Variants in CLDN10 observed in about 807,000 individuals in gnomAD.
The protein encoded by CLDN10 is claudin 10.
In CLDN10, 15 loss-of-function variants were observed where a neutral mutation model predicts 22.9. The ratio of observed to expected loss-of-function variants is 0.65; its 90% CI spans 0.44 to 1.01. The LOEUF (loss-of-function observed/expected upper bound fraction) is 1.01. Ranked by LOEUF, CLDN10 falls within the 50% of genes least tolerant of loss-of-function variation. The pLI, the probability that CLDN10 is intolerant of heterozygous loss-of-function variation, is 0.00. For missense variants in CLDN10, 247 were observed against 287.8 expected, an observed-to-expected ratio of 0.86 and a Z score of 1.03; for synonymous variants, 114 against 111.4, an observed-to-expected ratio of 1.02 and a Z score of -0.15.
At chr13:95,463,197 C>T (rs2042550652) in intron 1 of CLDN10, among the ~76,000 whole-genome samples, 1 of 148,192 alleles carries the variant, frequency 6.7e-6, no homozygotes, top group African/African-American at 2.5e-5. Context: ...ATCTACCTAT[C>T]TATCATCTAT....
At chr13:95,487,734 GCGTGA>G (rs1447656041) in intron 1 of CLDN10, among the ~76,000 whole-genome samples, 1 of 152,116 alleles carries the variant, frequency 6.6e-6, no homozygotes, top group Non-Finnish European at 1.5e-5. Flanking sequence ...GAGTGCAGTG[GCGTGA>G]TCATGGTTCA....
intron 1 of CLDN10, among the ~76,000 whole-genome samples, chr13:95,540,725 G>GC (rs2043451719): frequency 6.6e-6 from 1 of 152,178 alleles, no homozygotes; most frequent in Non-Finnish European, 1.5e-5. Context: ...ATATGATCAA[G>GC]CCTGTTAGTC....
intron 1 of CLDN10, among the ~76,000 whole-genome samples, chr13:95,516,743 T>C (rs971303): frequency 0.44 from 67,398 of 151,992 alleles, 16,040 homozygotes; most frequent in East Asian, 0.58. Context: ...TGGATCTCTG[T>C]GTGTGCACAG....
chr13:95,471,453 A>ATT (rs1555289822), intron 1 of CLDN10, among the ~76,000 whole-genome samples: 107 of 106,354 alleles, frequency 1.0e-3, no homozygotes, highest in South Asian at 5.2e-3. Flanking sequence ...ATATATATAT[A>ATT]TTTTTTTTTT....
intron 1 of CLDN10, among the ~76,000 whole-genome samples, chr13:95,464,801 G>T (rs2139093959): frequency 6.6e-6 from 1 of 151,950 alleles, no homozygotes; most frequent in Middle Eastern, 3.4e-3. Flanking sequence ...GCGTGATCTT[G>T]GCTCAGTGCA....
intron 1 of CLDN10, among the ~76,000 whole-genome samples, chr13:95,541,016 C>T (rs892255417): frequency 2.6e-5 from 4 of 152,236 alleles, no homozygotes; most frequent in African/African-American, 4.8e-5. Context: ...GGAATGGCCA[C>T]GTGGCCCAGT....
intron 1 of CLDN10, among the ~76,000 whole-genome samples, chr13:95,514,869 AGCCATT>A (rs774052104): frequency 2.6e-5 from 4 of 152,174 alleles, no homozygotes; most frequent in African/African-American, 4.8e-5. Flanking sequence ...CAAGCATGGA[AGCCATT>A]GCAGTATCTC....
chr13:95,469,844 A>G (rs2042613997), intron 1 of CLDN10, among the ~76,000 whole-genome samples: 1 of 152,106 alleles, frequency 6.6e-6, no homozygotes, highest in Non-Finnish European at 1.5e-5. Flanking sequence ...GACAGGCTTT[A>G]TTGTCTTTTT....
intron 1 of CLDN10, among the ~76,000 whole-genome samples, chr13:95,484,746 G>T (rs2042785115): frequency 1.3e-5 from 2 of 150,742 alleles, no homozygotes; most frequent in African/African-American, 4.9e-5. Flanking sequence ...AGCACCTGTA[G>T]TTCCAGCTAC....
At chr13:95,489,759 GT>G (rs1474061620) in intron 1 of CLDN10, among the ~76,000 whole-genome samples, 9 of 152,044 alleles carry the variant, frequency 5.9e-5, no homozygotes, top group Admixed American at 4.6e-4. Flanking sequence ...TATTGCATTT[GT>G]TTTTGGGTTC....
chr13:95,571,150 C>T (rs2043853529), intron 3 of CLDN10, among the ~76,000 whole-genome samples: 1 of 151,930 alleles, frequency 6.6e-6, no homozygotes, highest in Non-Finnish European at 1.5e-5. Flanking sequence ...AAAGCATCCA[C>T]CACAGTGACA....
intron 3 of CLDN10, among the ~76,000 whole-genome samples, chr13:95,568,081 T>C (rs1025952504): frequency 6.6e-6 from 1 of 152,232 alleles, no homozygotes; most frequent in Non-Finnish European, 1.5e-5. Context: ...TCAGGTGACC[T>C]TGTCAAGATG....
rs549649821 is a variant in CLDN10, at chr13:95,441,177, G to A, written c.214+7130G>A. ...TATTGCAGAGGGAATCTCTTCTCAT[G>A]TCACCAAGTTCTAGAAAAGGGAGAA... On this transcript the variant is annotated intron_variant, in intron 1 of 4. Transcript: ENST00000376873. Among the ~76,000 whole-genome samples, 5 of 152,316 alleles carry A rather than the reference G, an allele frequency of 3.3e-5. No individual in the cohort carries two copies. In the South Asian group the frequency reaches 1.0e-3, roughly 32 times the overall value.
chr13:95,563,095 ACTCTCTCTCTCTCT>A (rs34473629), intron 3 of CLDN10, among the ~76,000 whole-genome samples: 55 of 128,134 alleles, frequency 4.3e-4, no homozygotes, highest in South Asian at 2.4e-3. Flanking sequence ...CTGCCTACCC[ACTCTCTCTCTCTCT>A]CTCTCTCTCT....
intron 1 of CLDN10, among the ~76,000 whole-genome samples, chr13:95,556,894 A>G (rs1281327961): frequency 6.6e-6 from 1 of 152,266 alleles, no homozygotes; most frequent in Non-Finnish European, 1.5e-5. Flanking sequence ...CATAATTTGG[A>G]AAACACTTAA....
rs568974430 is a variant in CLDN10, at chr13:95,511,995, C to G, written c.215-48137C>G. Among the ~76,000 whole-genome samples, 73 of 132,686 alleles carry G rather than the reference C, an allele frequency of 5.5e-4. 2 individuals are homozygous for G. Among genetic ancestry groups the G allele is most frequent in the African/African-American group, 1.7e-3 (65 of 38,174 alleles). 87.0% of individuals were successfully genotyped at this position (132,686 alleles called of 152,430 possible). ...GGTATATCTCCTAATGCTATCCCCCCCCTCTCCCCCCACCCCACAACAGTC... is the reference window on the plus strand; with the variant it reads ...GGTATATCTCCTAATGCTATCCCCCGCCTCTCCCCCCACCCCACAACAGTC... On this transcript the variant is annotated intron_variant, in intron 1 of 4. Coordinates refer to the CLDN10 transcript ENST00000376873.
At chr13:95,449,021 G>T (rs1039946194) in intron 1 of CLDN10, among the ~76,000 whole-genome samples, 1 of 151,762 alleles carries the variant, frequency 6.6e-6, no homozygotes, top group African/African-American at 2.4e-5. Context: ...TTATAGGCAT[G>T]AACCACCGTG....
At chr13:95,471,453 A>ATTTTT (rs1555289822) in intron 1 of CLDN10, among the ~76,000 whole-genome samples, 1 of 106,392 alleles carries the variant, frequency 9.4e-6, no homozygotes, top group African/African-American at 4.0e-5. Context: ...ATATATATAT[A>ATTTTT]TTTTTTTTTT....
chr13:95,479,017 C>T lies in CLDN10; in HGVS notation c.214+44970C>T, dbSNP rs187406279. ...GTTAAGTGCCTGTGAGAGCAATCAT[C>T]AGCAGGTGCAGTGGTAGAAGATAAC... On this transcript the variant is annotated intron_variant, in intron 1 of 4. Transcript: ENST00000376873. 2.0e-5 allele frequency among the ~76,000 whole-genome samples: 3 copies of T among 152,350 alleles called. No individual in the cohort carries two copies. The East Asian group carries it at 5.8e-4, about 29-fold the overall frequency.
Sources: gnomAD v4.1 joint callset for allele counts (sites outside exome capture counted in the v4.1 genomes callset) on GRCh38, gnomAD v4.1.1 for gene constraint, MANE v1.5 for transcripts, NCBI Gene and HGNC (gene_info 2026-07-23, HGNC 2026-07-21) for gene names.